ARAP2: variants seen among roughly 807,000 people sequenced by gnomAD.
The protein encoded by ARAP2 is ArfGAP with RhoGAP domain, ankyrin repeat and PH domain 2.
ARAP2 carries 148 observed loss-of-function variants against 194.5 expected under a neutral mutation model. The observed-to-expected ratio is 0.76, with a 90% CI of 0.67 to 0.87. The LOEUF (loss-of-function observed/expected upper bound fraction) is 0.87, where lower values mean the gene tolerates loss of function less well. Among genes scored for constraint, ARAP2 ranks in the 40% least tolerant of loss-of-function variants. The pLI, the probability that ARAP2 is intolerant of heterozygous loss-of-function variation, is 0.00. For synonymous variants in ARAP2, 695 were observed against 683.5 expected (o/e 1.02, Z -0.26); for missense variants, 2,128 against 1,989.7 (o/e 1.07, Z -1.32).
chr4:36,148,599 T>C, intron 16 of ARAP2, 92 bp from the exon 17 acceptor site: 1 of 896,580 alleles, frequency 1.1e-6, no homozygotes, highest in Non-Finnish European at 1.7e-6. Context: ...ATTAAATTCC[T>C]TTTAAAATAA....
intron 30 of ARAP2, 28 bp downstream of exon 30, chr4:36,082,223 G>A (rs771946924): frequency 1.3e-6 from 2 of 1,597,718 alleles, no homozygotes; most frequent in Admixed American, 1.7e-5. Flanking sequence ...AATATATTAT[G>A]TCCAAAAGTT....
chr4:36,202,672 T>C (rs1361589895), intron 6 of ARAP2, among the ~76,000 whole-genome samples: 4 of 152,192 alleles, frequency 2.6e-5, no homozygotes, highest in Admixed American at 1.3e-4. Flanking sequence ...CTTCTTTATT[T>C]TATGGAGTCA....
At chr4:36,048,108 T>C (rs1185907203) in intron 3 of ARAP2, among the ~76,000 whole-genome samples, 1 of 152,220 alleles carries the variant, frequency 6.6e-6, no homozygotes, top group African/African-American at 2.4e-5. Context: ...TAGAAGTTAC[T>C]AAGTAAAATG....
chr4:36,206,780 G>A (rs1049783339), intron 6 of ARAP2, among the ~76,000 whole-genome samples: 1 of 152,112 alleles, frequency 6.6e-6, no homozygotes, highest in Non-Finnish European at 1.5e-5. Context: ...ACCTCCAAGT[G>A]CTGACTTAAC....
At chr4:36,193,756 C>T in intron 6 of ARAP2, 109 bp from the exon 7 acceptor site, 1 of 816,662 alleles carries the variant, frequency 1.2e-6, no homozygotes, top group Non-Finnish European at 1.9e-6. Flanking sequence ...ATGTTAAACA[C>T]CATAGACAAC....
chr4:36,194,285 T>G (rs980472408), intron 6 of ARAP2, among the ~76,000 whole-genome samples: 2 of 152,140 alleles, frequency 1.3e-5, no homozygotes, highest in African/African-American at 4.8e-5. Flanking sequence ...GTTGCAGGCT[T>G]AAAAGAAAAA....
intron 31 of ARAP2, among the ~76,000 whole-genome samples, chr4:36,074,880 GC>G (rs1483398187): frequency 1.3e-5 from 2 of 151,438 alleles, no homozygotes; most frequent in African/African-American, 4.9e-5. Flanking sequence ...AAACTGCCAA[GC>G]TGTATGTTTA....
chr4:36,189,300 C>CATAATACGA (rs1276741271), intron 7 of ARAP2, among the ~76,000 whole-genome samples: 3 of 151,864 alleles, frequency 2.0e-5, no homozygotes, highest in Non-Finnish European at 2.9e-5. Context: ...TTATGGGATA[C>CATAATACGA]ATAGTGATGT....
chr4:36,160,217 C>G, intron 13 of ARAP2: 1 of 1,099,596 alleles, frequency 9.1e-7, no homozygotes, highest in South Asian at 3.2e-5. Context: ...TCCAAATCCT[C>G]AGATTGTGGC....
intron 2 of ARAP2, among the ~76,000 whole-genome samples, chr4:36,220,238 T>G (rs1185912735): frequency 6.6e-6 from 1 of 152,140 alleles, no homozygotes; most frequent in Non-Finnish European, 1.5e-5. Flanking sequence ...CGTGTGTGTG[T>G]GTGTGTGTGT....
rs762935134 is a variant in ARAP2, at chr4:36,165,059, T to C, written c.2028A>G (p.Gln676=). ...AATCAGAGAGAGTTTCTGCTATTGA[T>C]TGCTGCACAGCTTCAATCCAGTCTT... The part of the protein sequence containing the change: ...EKQDWIEAVQ[Q]SIAETLSDYE... The change falls in exon 11 of 33, where the codon CAA becomes CAG. Residue 676 remains glutamine, a synonymous_variant. Transcript: ENST00000303965. 2 of 1,614,086 alleles carry C rather than the reference T, an allele frequency of 1.2e-6. No homozygotes were observed. Among genetic ancestry groups the C allele is most frequent in the Admixed American group, 3.3e-5 (2 of 60,020 alleles).
At chr4:36,153,346 TG>T (rs1306595302) in intron 15 of ARAP2, among the ~76,000 whole-genome samples, 2 of 152,166 alleles carry the variant, frequency 1.3e-5, no homozygotes, top group African/African-American at 4.8e-5. Context: ...CTGGTCTGTT[TG>T]GGCCAATTTA....
intron 19 of ARAP2, among the ~76,000 whole-genome samples, chr4:36,136,068 T>G (rs552110472): frequency 5.9e-5 from 9 of 151,916 alleles, no homozygotes; most frequent in African/African-American, 2.2e-4. Flanking sequence ...AATATATATG[T>G]AGTGCAATAG....
At chr4:36,087,515 CA>C (rs1712218248) in intron 28 of ARAP2, among the ~76,000 whole-genome samples, 1 of 151,978 alleles carries the variant, frequency 6.6e-6, no homozygotes, top group African/African-American at 2.4e-5. Flanking sequence ...TAAGTTAGCT[CA>C]GATTGAGCAA....
chr4:36,234,474 G>C (rs545758973), intron 1 of ARAP2, among the ~76,000 whole-genome samples: 54 of 152,212 alleles, frequency 3.5e-4, no homozygotes, highest in African/African-American at 1.3e-3. Context: ...ATCGGGAGCG[G>C]GGGGTGGGGG....
chr4:36,095,837 T>C (rs1232863135), intron 27 of ARAP2, among the ~76,000 whole-genome samples: 4 of 152,046 alleles, frequency 2.6e-5, no homozygotes, highest in African/African-American at 4.8e-5. Flanking sequence ...TCAAGCCAAA[T>C]AGCCATGATA....
At chr4:36,190,483 C>A (rs1741629248) in intron 7 of ARAP2, among the ~76,000 whole-genome samples, 1 of 152,212 alleles carries the variant, frequency 6.6e-6, no homozygotes, top group Admixed American at 6.6e-5. Context: ...ATAACAATCT[C>A]TGATGGCTCA....
chr4:36,206,746 T>A (rs530645951), intron 6 of ARAP2, among the ~76,000 whole-genome samples: 1 of 152,190 alleles, frequency 6.6e-6, no homozygotes, highest in Non-Finnish European at 1.5e-5. Context: ...AAGTAACACA[T>A]CTTGCTCATC....
Position 36,159,396 on chromosome 4 carries a change from T to C in ARAP2, c.2552A>G (p.Tyr851Cys), listed in dbSNP as rs368631052. The C allele has an allele frequency of 1.2e-6, 2 of 1,611,390 alleles. No individual in the cohort carries two copies. The highest frequency in any genetic ancestry group is 2.7e-5 in the African/African-American group (2 of 74,842). The part of the protein sequence containing the change: ...ATGDPVHSTP[Y>C]LLAKKAGQSL... ...TTGCCCAGCTTTCTTGGCTAGCAGA[T>C]AGGGGGTGCTATGCACGGGGTCTCC... The change falls in exon 14 of 33, where the codon TAT becomes TGT. Residue 851 changes from tyrosine to cysteine, a missense_variant. Transcript: ENST00000303965.
Sources: allele counts gnomAD v4.1 joint callset (sites outside exome capture counted in the v4.1 genomes callset), GRCh38; gene constraint gnomAD v4.1.1; transcripts MANE v1.5; gene names NCBI Gene and HGNC (gene_info 2026-07-23, HGNC 2026-07-21).